The following RANBP3 variants were observed in gnomAD, a reference collection of about 807,000 sequenced individuals.
RANBP3 encodes the protein ran-binding protein 3.
RANBP3 carries 14 observed loss-of-function variants against 77.3 expected under a neutral mutation model. The ratio of observed to expected loss-of-function variants is 0.18; its 90% CI spans 0.12 to 0.28. The LOEUF is 0.28. Among genes scored for constraint, RANBP3 ranks in the 10% least tolerant of loss-of-function variants. The probability of loss-of-function intolerance (pLI) is 1.00; values close to 1 mark genes in which losing one functional copy is unlikely to be tolerated. For synonymous variants in RANBP3, 315 were observed against 312.4 expected (o/e 1.01, Z -0.09); for missense variants, 586 against 752.3 (o/e 0.78, Z 2.59).
At chr19:5,973,458 G>A (rs1286319616) in intron 1 of RANBP3, among the ~76,000 whole-genome samples, 2 of 152,170 alleles carry the variant, frequency 1.3e-5, no homozygotes, top group Non-Finnish European at 2.9e-5. Flanking sequence ...CATTTAGTGG[G>A]GTAGAGGCCA....
intron 1 of RANBP3, among the ~76,000 whole-genome samples, chr19:5,972,687 C>T (rs370957388): frequency 1.9e-4 from 29 of 152,276 alleles, no homozygotes; most frequent in African/African-American, 7.0e-4. Flanking sequence ...AAATGGCCTT[C>T]GTCTCCCACT....
intron 2 of RANBP3, among the ~76,000 whole-genome samples, chr19:5,953,503 C>T (rs552725376): frequency 6.6e-6 from 1 of 152,296 alleles, no homozygotes; most frequent in East Asian, 1.9e-4. Context: ...AATAGCATTT[C>T]TGTAACTGCC....
rs1314589414 is a variant in RANBP3, at chr19:5,923,970, C to G, written c.997-56G>C. The stretch of plus-strand genomic sequence containing the variant: ...GGGCACTTGTGTGGTCCTTCAGCAG[C>G]AGCTCTGAGCACCTCTCTGCCTGGC... On this transcript the variant is annotated intron_variant, in intron 11 of 16. Transcript: ENST00000340578. 6.7e-6 allele frequency: 9 copies of G among 1,345,874 alleles called. No homozygotes were observed. The East Asian group carries it at 2.1e-4, about 31-fold the overall frequency. 83.4% of individuals were successfully genotyped at this position (1,345,874 alleles called of 1,614,324 possible).
At chr19:5,951,025 G>A (rs938349856) in intron 3 of RANBP3, 7 of 289,852 alleles carry the variant, frequency 2.4e-5, no homozygotes, top group Non-Finnish European at 4.7e-5. Context: ...TTGAATGCCC[G>A]CATTCAGGGA....
At chr19:5,947,966 C>G (rs1568466626) in intron 3 of RANBP3, among the ~76,000 whole-genome samples, 1 of 152,182 alleles carries the variant, frequency 6.6e-6, no homozygotes, top group African/African-American at 2.4e-5. Flanking sequence ...AAGAATTGCC[C>G]TGTCCAAAAA....
At chr19:5,932,423 G>A in intron 7 of RANBP3, 29 bp downstream of exon 7, 1 of 1,600,072 alleles carries the variant, frequency 6.2e-7, no homozygotes, top group Non-Finnish European at 8.6e-7. Context: ...TGCCGTCTGG[G>A]CCTGGGCGCC....
At chr19:5,927,045 G>A (rs866140304) in intron 9 of RANBP3, among the ~76,000 whole-genome samples, 3 of 152,246 alleles carry the variant, frequency 2.0e-5, no homozygotes, top group African/African-American at 7.2e-5. Flanking sequence ...CTGACCTCCA[G>A]AAGTACCTCC....
intron 2 of RANBP3, among the ~76,000 whole-genome samples, chr19:5,956,454 G>A (rs959900609): frequency 1.3e-5 from 2 of 152,170 alleles, no homozygotes; most frequent in African/African-American, 4.8e-5. Flanking sequence ...GATAGCAGAG[G>A]CAGATTTATC....
At chr19:5,933,527 GCTGGGC>G in intron 5 of RANBP3, 48 bp from the exon 6 acceptor site, 1 of 1,565,226 alleles carries the variant, frequency 6.4e-7, no homozygotes, top group Non-Finnish European at 8.8e-7. Flanking sequence ...CTGGGCTGGG[GCTGGGC>G]CTGGGGGGCA....
In RANBP3 at chr19:5,917,271, C is replaced by T; in HGVS notation, c.*339G>A. On this transcript the variant is annotated 3_prime_UTR_variant, in exon 17 of 17. Coordinates refer to ENST00000340578, the MANE Select transcript of RANBP3 (RefSeq NM_007322.3). ...GGAGAAGCCAGGGGCTCTGGCTGGA[C>T]CCAGAGGCTGGCGACACGCGGGGTG... 2.6e-6 allele frequency: 1 copy of T among 383,336 alleles called. No homozygotes were observed. Among genetic ancestry groups the T allele is most frequent in the Non-Finnish European group, 4.8e-6 (1 of 207,436 alleles). 23.7% of individuals were successfully genotyped at this position (383,336 alleles called of 1,614,324 possible).
chr19:5,946,008 C>T (rs994544685), intron 3 of RANBP3, among the ~76,000 whole-genome samples: 4 of 152,064 alleles, frequency 2.6e-5, no homozygotes, highest in African/African-American at 9.7e-5. Flanking sequence ...GTCCCCTCTG[C>T]CACCAGGCTC....
chr19:5,918,761 C>T (rs2057779309), intron 14 of RANBP3, 123 bp from the exon 15 acceptor site: 1 of 1,237,576 alleles, frequency 8.1e-7, no homozygotes, highest in African/African-American at 1.5e-5. Flanking sequence ...CATGATCCTC[C>T]CAGGACCCAC....
chr19:5,964,725 G>A (rs1282129082), intron 1 of RANBP3, among the ~76,000 whole-genome samples: 2 of 151,970 alleles, frequency 1.3e-5, no homozygotes, highest in African/African-American at 4.8e-5. Context: ...GAGGAGTGCT[G>A]GAGGAACCAG....
chr19:5,949,399 A>G (rs1455749483), intron 3 of RANBP3, among the ~76,000 whole-genome samples: 1 of 152,202 alleles, frequency 6.6e-6, no homozygotes, highest in Non-Finnish European at 1.5e-5. Context: ...GCCCTTAGCA[A>G]CCAGTCAGGG....
intron 1 of RANBP3, among the ~76,000 whole-genome samples, chr19:5,973,027 A>G (rs1174093422): frequency 2.0e-5 from 3 of 152,210 alleles, no homozygotes; most frequent in Non-Finnish European, 4.4e-5. Flanking sequence ...CAAAGAGTAT[A>G]AAGATTTTGC....
chr19:5,968,446 C>T (rs952103584), intron 1 of RANBP3, among the ~76,000 whole-genome samples: 1 of 152,198 alleles, frequency 6.6e-6, no homozygotes, highest in African/African-American at 2.4e-5. Flanking sequence ...GCTGCACATG[C>T]CGTGTTTGGG....
In RANBP3 at chr19:5,959,996, G is replaced by A. The variant is rs1213638572; in HGVS notation, c.23-2023C>T. ...TGACAAGAAGAGTCCCGCATGCATC[G>A]TCTAACACATGGCACATGAACAAGG... On this transcript the variant is annotated intron_variant, in intron 1 of 16. Transcript: ENST00000340578. The surrounding 1 kb of genome is among the most constrained non-coding windows in gnomAD (Gnocchi z 5.1). Among the ~76,000 whole-genome samples, 2 of 152,084 alleles carry A rather than the reference G, an allele frequency of 1.3e-5. No homozygotes were observed. The highest frequency in any genetic ancestry group is 2.4e-5 in the African/African-American group (1 of 41,416).
At position 5,974,676 on chromosome 19, in the gene RANBP3, G is replaced by A. The variant is rs141637389; in HGVS notation, c.22+3385C>T. ...TTTACACAACAGAAAACATTTCCTC[G>A]TATACAAGCAGAGGACACCTACCCT... On this transcript the variant is annotated intron_variant, in intron 1 of 16. Coordinates refer to ENST00000340578, the MANE Select transcript of RANBP3 (RefSeq NM_007322.3). 1.6e-4 allele frequency among the ~76,000 whole-genome samples: 25 copies of A among 152,114 alleles called. No homozygotes were observed. The East Asian group carries it at 4.9e-3, about 30-fold the overall frequency.
At chr19:5,942,714 A>C (rs970686437) in intron 3 of RANBP3, among the ~76,000 whole-genome samples, 15 of 151,992 alleles carry the variant, frequency 9.9e-5, no homozygotes, top group East Asian at 3.9e-4. Context: ...AAAAAAAAAA[A>C]AAAAAACAAA....
Sources: allele counts gnomAD v4.1 joint callset (sites outside exome capture counted in the v4.1 genomes callset), GRCh38; gene constraint gnomAD v4.1.1; non-coding constraint Gnocchi (gnomAD v3.1); transcripts MANE v1.5; gene names NCBI Gene and HGNC (gene_info 2026-07-23, HGNC 2026-07-21).